The following XYLB variants were observed in gnomAD, a reference collection of about 807,000 sequenced individuals.
XYLB encodes xylulose kinase.
Under a neutral mutation model 78.7 loss-of-function variants are expected in XYLB, and 62 were observed. The observed-to-expected ratio is 0.79, with a 90% confidence interval of 0.64 to 0.97. XYLB has a LOEUF of 0.97. Among genes scored for constraint, XYLB ranks in the 50% least tolerant of loss-of-function variants. The pLI is 0.00. For synonymous variants in XYLB, 245 were observed against 247.4 expected (o/e 0.99, Z 0.09); for missense variants, 687 against 676.8 (o/e 1.02, Z -0.17).
At chr3:38,423,046 C>G (rs1709027910), downstream of XYLB, among the ~76,000 whole-genome samples, 1 of 152,048 alleles carries the variant, frequency 6.6e-6, no homozygotes, top group Admixed American at 6.5e-5. Flanking sequence ...AACGTTTCCC[C>G]CCTGGAATTC....
At chr3:38,355,715 C>G (rs1705609537) in intron 2 of XYLB, 3 of 703,364 alleles carry the variant, frequency 4.3e-6, no homozygotes, top group Non-Finnish European at 7.8e-6. Flanking sequence ...GACTTTTCTC[C>G]CATTTTTGGC....
intron 14 of XYLB, 132 bp downstream of exon 14, chr3:38,377,123 T>G: frequency 1.2e-6 from 1 of 815,780 alleles, no homozygotes; most frequent in Non-Finnish European, 2.0e-6. Flanking sequence ...TACACACTTG[T>G]GGTGTGCCAG....
intron 15 of XYLB, among the ~76,000 whole-genome samples, chr3:38,390,520 A>AT (rs1296917169): frequency 6.6e-6 from 1 of 151,282 alleles, no homozygotes; most frequent in South Asian, 2.1e-4. Context: ...AGCCTATTAT[A>AT]TTTTTTTGGA....
At chr3:38,398,605 ATAT>A (rs1707987555) in intron 17 of XYLB, among the ~76,000 whole-genome samples, 1 of 151,610 alleles carries the variant, frequency 6.6e-6, no homozygotes, top group Non-Finnish European at 1.5e-5. Context: ...AGTACATTTA[ATAT>A]TATATTGGCT....
At chr3:38,374,598 A>G (rs898348186) in intron 11 of XYLB, 96 bp downstream of exon 11, 9 of 1,500,032 alleles carry the variant, frequency 6.0e-6, no homozygotes, top group Non-Finnish European at 8.3e-6. Flanking sequence ...CCCAGATCCC[A>G]GGGTCCCAGG....
At chr3:38,383,684 G>C (rs747311810) in intron 15 of XYLB, among the ~76,000 whole-genome samples, 2 of 152,110 alleles carry the variant, frequency 1.3e-5, no homozygotes, top group African/African-American at 2.4e-5. Context: ...GGGGTGGCAG[G>C]GGTGGCAGGA....
At chr3:38,426,167 A>T (rs1047932448), downstream of XYLB, among the ~76,000 whole-genome samples, 1 of 152,244 alleles carries the variant, frequency 6.6e-6, no homozygotes, top group Admixed American at 6.5e-5. Flanking sequence ...ACAGCAGACT[A>T]TGTAAATAAT....
downstream of XYLB, among the ~76,000 whole-genome samples, chr3:38,423,822 A>C (rs556445938): frequency 3.9e-5 from 6 of 152,316 alleles, no homozygotes; most frequent in African/African-American, 1.4e-4. Context: ...TCGATTTCTC[A>C]TGCTGATTTA....
intron 11 of XYLB, 151 bp from the exon 12 acceptor site, chr3:38,374,993 G>A: frequency 1.6e-6 from 1 of 629,772 alleles, no homozygotes; most frequent in African/African-American, 1.8e-5. Context: ...GGGAGGGTCA[G>A]AAGTGGCTCT....
At chr3:38,366,065 A>G (rs1029421516) in intron 6 of XYLB, among the ~76,000 whole-genome samples, 3 of 151,754 alleles carry the variant, frequency 2.0e-5, no homozygotes, top group African/African-American at 7.3e-5. Context: ...TGAAGCTGAA[A>G]GAAGTCAGTG....
chr3:38,448,696 G>A, the XYLB span, among the ~76,000 whole-genome samples: 2 of 152,170 alleles, frequency 1.3e-5, no homozygotes, highest in Non-Finnish European at 2.9e-5. Flanking sequence ...TTAACTTATA[G>A]ATCAAGTTGA....
At position 38,372,601 on chromosome 3, in the gene XYLB, G is replaced by T; in HGVS notation, c.766-54G>T. 4 of 1,613,100 alleles carry T rather than the reference G, an allele frequency of 2.5e-6. No homozygotes were observed. In the South Asian group the frequency reaches 4.4e-5, roughly 18 times the overall value. On this transcript the variant is annotated intron_variant, in intron 9 of 18. Coordinates refer to ENST00000207870, the MANE Select transcript of XYLB (RefSeq NM_005108.4). ...GGCCTGAAGGGTGGGTGGCTGTGCT[G>T]GGCAGGCGGGATTTACCTCAACAGA...
At chr3:38,358,309 TTGTGTGTGTGTGTGTG>T (rs780269094) in intron 2 of XYLB, among the ~76,000 whole-genome samples, 3 of 54,918 alleles carry the variant, frequency 5.5e-5, no homozygotes, top group African/African-American at 1.4e-4. Flanking sequence ...CAGTTTTGTT[TTGTGTGTGTGTGTGTG>T]TGTGTGTGTG....
the XYLB span, among the ~76,000 whole-genome samples, chr3:38,426,516 G>A: frequency 1.3e-5 from 2 of 152,192 alleles, no homozygotes; most frequent in African/African-American, 2.4e-5. Flanking sequence ...GCTTGAAGGC[G>A]CTTCAGATGG....
chr3:38,372,512 G>T (rs1405451334), intron 9 of XYLB, 143 bp from the exon 10 acceptor site: 1 of 1,483,894 alleles, frequency 6.7e-7, no homozygotes, highest in African/African-American at 1.4e-5. Context: ...AGGAAGTGAT[G>T]TGACTCCAGG....
In XYLB at chr3:38,412,970, T is replaced by A; in HGVS notation, c.1568T>A (p.Leu523His). The A allele has an allele frequency of 3.1e-6, 5 of 1,605,756 alleles. No homozygotes were observed. Among genetic ancestry groups the A allele is most frequent in the Non-Finnish European group, 4.2e-6 (5 of 1,176,618 alleles). ...GCCCTTCTCCCCCAGTATGCCAAAC[T>A]CGAGCAGAGAATCTTGTCTCAGACC... ...YEALLPQYAKLEQRILSQTRG... is the reference protein window; with the variant it reads ...YEALLPQYAKHEQRILSQTRG... The change falls in exon 19 of 19, where the codon CTC becomes CAC. Residue 523 changes from leucine to histidine, a missense_variant. Physicochemically the swap from Leu to His is moderately conservative, Grantham distance 99. Coordinates refer to ENST00000207870, the MANE Select transcript of XYLB (RefSeq NM_005108.4).
chr3:38,355,249 C>T (rs1559572173), intron 2 of XYLB, among the ~76,000 whole-genome samples: 1 of 152,184 alleles, frequency 6.6e-6, no homozygotes, highest in Non-Finnish European at 1.5e-5. Context: ...CATATGTGGC[C>T]TAGTTGCCCC....
At chr3:38,391,445 A>C (rs2125637232) in intron 15 of XYLB, among the ~76,000 whole-genome samples, 1 of 152,260 alleles carries the variant, frequency 6.6e-6, no homozygotes, top group Middle Eastern at 3.4e-3. Flanking sequence ...GAACTTCATG[A>C]TACATGGAAT....
intron 15 of XYLB, among the ~76,000 whole-genome samples, chr3:38,385,310 A>G (rs1410303194): frequency 1.3e-5 from 2 of 151,750 alleles, no homozygotes; most frequent in Non-Finnish European, 2.9e-5. Flanking sequence ...TATGCCCTAT[A>G]CCCTTGTCCC....
Sources: gnomAD v4.1 joint callset for allele counts (sites outside exome capture counted in the v4.1 genomes callset) on GRCh38, gnomAD v4.1.1 for gene constraint, MANE v1.5 for transcripts, NCBI Gene and HGNC (gene_info 2026-07-23, HGNC 2026-07-21) for gene names.